The following DNAH17 variants were observed in gnomAD, a reference collection of about 807,000 sequenced individuals.
DNAH17 encodes the protein dynein axonemal heavy chain 17, also known as axonemal beta dynein heavy chain 17.
Under a neutral mutation model 485.6 loss-of-function variants are expected in DNAH17, and 376 were observed. The ratio of observed to expected loss-of-function variants is 0.77; its 90% CI spans 0.71 to 0.84. The LOEUF (loss-of-function observed/expected upper bound fraction) is 0.84, where lower values mean the gene tolerates loss of function less well. DNAH17 is among the 40% of genes least tolerant of loss of function. DNAH17 has a pLI of 0.00. For synonymous variants in DNAH17, 3,031 were observed against 2,405.9 expected (o/e 1.26, Z -7.60); for missense variants, 6,370 against 5,839.3 (o/e 1.09, Z -2.96).
At chr17:78,502,272 T>A in intron 33 of DNAH17, 1 of 332,190 alleles carries the variant, frequency 3.0e-6, no homozygotes, top group Non-Finnish European at 5.5e-6. Flanking sequence ...CTCCTTCTTT[T>A]CAAGATGATC....
chr17:78,501,229 T>A lies in DNAH17; in HGVS notation c.5438A>T (p.Tyr1813Phe). Residue 1813 changes from tyrosine to phenylalanine, a missense_variant, in exon 35 of 81, where the codon TAT becomes TTT. Coordinates refer to ENST00000389840, the MANE Select transcript of DNAH17 (RefSeq NM_173628.4). ...CDAQIQYSYEYLGNTPRLVIT... is the reference protein window; with the variant it reads ...CDAQIQYSYEFLGNTPRLVIT... ...GACCAGCCGCGGCGTGTTGCCCAGA[T>A]ACTCATAGGAATACTGGATTTGGGC... 6.2e-7 allele frequency: 1 copy of A among 1,602,598 alleles called. No homozygotes were observed. The highest frequency in any genetic ancestry group is 8.5e-7 in the Non-Finnish European group (1 of 1,170,882).
In DNAH17 at chr17:78,423,785, G is replaced by C. The variant is rs930506200; in HGVS notation, c.*121C>G. 4 of 1,322,016 alleles carry C rather than the reference G, an allele frequency of 3.0e-6. No homozygotes were observed. Among genetic ancestry groups the C allele is most frequent in the Non-Finnish European group, 4.2e-6 (4 of 955,998 alleles). The allele number at this position is 1,322,016 out of a possible 1,614,324, so 81.9% of individuals were successfully genotyped here. A position where few individuals can be genotyped will look rare whatever the true frequency, so the allele number is the denominator to read the frequency against. On this transcript the variant is annotated 3_prime_UTR_variant, in exon 81 of 81. Coordinates refer to ENST00000389840, the MANE Select transcript of DNAH17 (RefSeq NM_173628.4). ...CGATGTGCTTGGTTACAAAGCACCT[G>C]ATTATTTAAGAGAACGAAAAACCAC... is the stretch of plus-strand genomic sequence containing the variant.
intron 66 of DNAH17, among the ~76,000 whole-genome samples, chr17:78,451,125 C>T (rs1411633360): frequency 6.6e-6 from 1 of 152,256 alleles, no homozygotes; most frequent in Non-Finnish European, 1.5e-5. Flanking sequence ...GCTATAACAG[C>T]CAGAAATGTG....
In DNAH17 at chr17:78,570,249, T is replaced by C; in HGVS notation, c.1042A>G (p.Met348Val). Residue 348 changes from methionine (M) to valine (V), a missense_variant and splice_region_variant, in exon 7 of 81, where the codon ATG (methionine) becomes GTG (valine). Met to Val is a conservative substitution (Grantham distance 21). Coordinates refer to ENST00000389840, the MANE Select transcript of DNAH17 (RefSeq NM_173628.4). ...LQEFCNQIIE[M>V]TRTFLSPEEV... ...CCCAGGGGCCAGGGGAGGGTTACCA[T>C]CTCGATGATTTGGTTGCAGAACTCC... 1.3e-6 allele frequency: 2 copies of C among 1,581,630 alleles called. No homozygotes were observed. The highest frequency in any genetic ancestry group is 1.3e-5 in the African/African-American group (1 of 74,482).
At chr17:78,447,590 TCAAA>T (rs1169328475) in intron 69 of DNAH17, among the ~76,000 whole-genome samples, 1 of 152,132 alleles carries the variant, frequency 6.6e-6, no homozygotes, top group African/African-American at 2.4e-5. Context: ...TTTCTTTTGG[TCAAA>T]CAAAACGTTC....
intron 25 of DNAH17, 46 bp downstream of exon 25, chr17:78,524,963 C>A: frequency 1.3e-6 from 2 of 1,573,724 alleles, no homozygotes; most frequent in Non-Finnish European, 1.7e-6. Flanking sequence ...GGGGCAGCTC[C>A]CTGCAGAATC....
intron 11 of DNAH17, among the ~76,000 whole-genome samples, chr17:78,563,461 C>G (rs1015589993): frequency 6.6e-6 from 1 of 151,704 alleles, no homozygotes; most frequent in African/African-American, 2.4e-5. Flanking sequence ...AGATGTTTTA[C>G]TTGGAAGTCA....
chr17:78,513,107 C>T (rs1045949589), intron 26 of DNAH17, among the ~76,000 whole-genome samples: 2 of 152,006 alleles, frequency 1.3e-5, no homozygotes, highest in African/African-American at 4.8e-5. Flanking sequence ...ATGAACCCCC[C>T]CTCTGCTAGG....
intron 48 of DNAH17, 112 bp downstream of exon 48, chr17:78,484,753 CCCA>C (rs1331852682): frequency 3.3e-6 from 2 of 599,818 alleles, no homozygotes; most frequent in South Asian, 2.7e-5. Context: ...CCCCCACCGC[CCCA>C]CACCAGTCCT....
At chr17:78,425,613 T>TAGGAGGAGAG (rs2086411827) in intron 79 of DNAH17, 42 bp from the exon 80 acceptor site, 2 of 1,542,126 alleles carry the variant, frequency 1.3e-6, no homozygotes, top group African/African-American at 1.4e-5. Flanking sequence ...GGACATAGAA[T>TAGGAGGAGAG]GACATGGGAA....
intron 69 of DNAH17, among the ~76,000 whole-genome samples, chr17:78,446,689 G>A (rs902136371): frequency 3.9e-5 from 6 of 152,020 alleles, no homozygotes; most frequent in African/African-American, 7.2e-5. Context: ...TGTCACCCAG[G>A]CTGGAGCGCA....
Position 78,507,490 on chromosome 17 carries a change from G to T in DNAH17, c.4552C>A (p.Gln1518Lys). ...TCCTGGTTGATGTCGTCAAAGCGCT[G>T]GGAGTCCCCCGGGAGCTGGGTGCGG... ...DIRTQLPGDS[Q>K]RFDDINQEFK... is the part of the protein sequence containing the mutation. The change falls in exon 28 of 81, where the codon CAG becomes AAG. Residue 1518 changes from glutamine to lysine, a missense_variant. Physicochemically the swap from Gln to Lys is moderately conservative, Grantham distance 53. Coordinates refer to ENST00000389840, the MANE Select transcript of DNAH17 (RefSeq NM_173628.4). 1 of 1,612,896 alleles carries T rather than the reference G, an allele frequency of 6.2e-7. No homozygotes were observed. Among genetic ancestry groups the T allele is most frequent in the East Asian group, 2.2e-5 (1 of 44,840 alleles).
chr17:78,436,012 G>A (rs1270139723), intron 74 of DNAH17, among the ~76,000 whole-genome samples: 1 of 152,216 alleles, frequency 6.6e-6, no homozygotes, highest in Admixed American at 6.5e-5. Context: ...GTTGGGAATT[G>A]TTAATGGGTG....
intron 16 of DNAH17, among the ~76,000 whole-genome samples, chr17:78,544,458 A>G (rs2091696079): frequency 6.6e-6 from 1 of 152,134 alleles, no homozygotes; most frequent in South Asian, 2.1e-4. Flanking sequence ...AAGGGTAGAG[A>G]GTAGGGTCAG....
intron 69 of DNAH17, among the ~76,000 whole-genome samples, chr17:78,448,211 A>G (rs1325731595): frequency 6.6e-6 from 1 of 151,982 alleles, no homozygotes; most frequent in Non-Finnish European, 1.5e-5. Context: ...AGAAAAAAAA[A>G]AAAATTAGCT....
Position 78,476,698 on chromosome 17 carries a change from G to T in DNAH17, c.8028C>A (p.Thr2676=), listed in dbSNP as rs760880327. Residue 2676 remains threonine, a synonymous_variant, in exon 52 of 81, where the codon ACC becomes ACA. Coordinates refer to ENST00000389840, the MANE Select transcript of DNAH17 (RefSeq NM_173628.4). ...GCCAAAGGCGGACGAGGTCCAGTGGGGTTTTCAGAACTTCTGCTGTGGAAA... is the reference window on the plus strand; with the variant it reads ...GCCAAAGGCGGACGAGGTCCAGTGGTGTTTTCAGAACTTCTGCTGTGGAAA... ...LLFSTAEVLK[T]PLDLVRLWLH... The T allele has an allele frequency of 1.2e-6, 2 of 1,612,944 alleles. No individual in the cohort carries two copies. Among genetic ancestry groups the T allele is most frequent in the Non-Finnish European group, 1.7e-6 (2 of 1,179,482 alleles).
At chr17:78,472,736 CT>C (rs746197456) in intron 54 of DNAH17, 1 of 454,798 alleles carries the variant, frequency 2.2e-6, no homozygotes, top group South Asian at 1.6e-5. Flanking sequence ...ACAGCCCTCG[CT>C]GGCCCTGGTT....
intron 72 of DNAH17, 107 bp downstream of exon 72, chr17:78,440,944 T>G (rs1298884526): frequency 2.9e-6 from 4 of 1,369,702 alleles, no homozygotes; most frequent in Non-Finnish European, 3.0e-6. Context: ...AAGCCGCGTC[T>G]TGGGTGTGAA....
chr17:78,494,320 C>T, intron 40 of DNAH17, 147 bp from the exon 41 acceptor site: 1 of 1,255,744 alleles, frequency 8.0e-7, no homozygotes, highest in Non-Finnish European at 1.1e-6. Context: ...GTTCTGCTGT[C>T]AATGCCGAGA....
Sources: gnomAD v4.1 joint callset for allele counts (sites outside exome capture counted in the v4.1 genomes callset) on GRCh38, gnomAD v4.1.1 for gene constraint, MANE v1.5 for transcripts, NCBI Gene and HGNC (gene_info 2026-07-23, HGNC 2026-07-21) for gene names.